Variants in BSCL2 observed in about 807,000 individuals in gnomAD.
BSCL2 encodes the protein seipin.
Under a neutral mutation model 57.4 loss-of-function variants are expected in BSCL2, and 41 were observed. The observed-to-expected ratio is 0.71, with a 90% CI of 0.56 to 0.93. The LOEUF (loss-of-function observed/expected upper bound fraction) is 0.93, where lower values mean the gene tolerates loss of function less well. Among genes scored for constraint, BSCL2 ranks in the 40% least tolerant of loss-of-function variants. BSCL2 has a pLI of 0.00. For missense variants in BSCL2, 539 were observed against 586.7 expected, an observed-to-expected ratio of 0.92 and a Z score of 0.84; for synonymous variants, 237 against 227.3, an observed-to-expected ratio of 1.04 and a Z score of -0.38.
Position 62,690,497 on chromosome 11 carries a change from G to A in BSCL2, c.1259C>T (p.Ala420Val), listed in dbSNP as rs1354030991. The A allele has an allele frequency of 1.2e-6, 2 of 1,614,172 alleles. No homozygotes were observed. Among genetic ancestry groups the A allele is most frequent in the South Asian group, 1.1e-5 (1 of 91,086 alleles). ...SDGSGSWEDA[A>V]LLTEANLPAP... ...AGGCAGGTTGGCCTCCGTCAGCAAA[G>A]CTGCATCTTCCCAGGAGCCTGAACC... Residue 420 changes from alanine (A) to valine (V), a missense_variant, in exon 11 of 11, where the codon GCT (alanine) becomes GTT (valine). Around this residue, in one of 3 missense-constraint regions of BSCL2, gnomAD observed 248 missense variants for 239.9 expected, o/e 1.03. Transcript: ENST00000360796.
intron 3 of BSCL2, chr11:62,697,366 G>A (rs1945501771): frequency 7.7e-6 from 1 of 130,628 alleles, no homozygotes; most frequent in Non-Finnish European, 1.6e-5. Context: ...CTGCACTCCA[G>A]CCTGGGCAAC....
rs369343944 is a variant in BSCL2, at chr11:62,692,126, C to T, written c.863+250G>A. 8.7e-5 allele frequency among the ~76,000 whole-genome samples: 13 copies of T among 150,100 alleles called. No homozygotes were observed. The East Asian group carries it at 1.4e-3, about 16-fold the overall frequency. On this transcript the variant is annotated intron_variant, in intron 6 of 10. Coordinates refer to ENST00000360796, the MANE Select transcript of BSCL2 (RefSeq NM_001122955.4). The stretch of plus-strand genomic sequence containing the variant: ...CTGGATTTCTGGGTGGATGGCAGGG[C>T]GGAGGGAAGATGAACAGGGATGATG...
upstream of BSCL2, chr11:62,707,493 T>G (rs2083562035): frequency 1.5e-6 from 1 of 645,972 alleles, no homozygotes; most frequent in Non-Finnish European, 2.8e-6. Context: ...CCACGCCATT[T>G]GAGAGGGGGA....
upstream of BSCL2, chr11:62,709,359 G>T: frequency 2.2e-6 from 1 of 454,034 alleles, no homozygotes; most frequent in South Asian, 1.6e-5. Flanking sequence ...CGTCCACAGT[G>T]TAAGAATTAA....
intron 1 of BSCL2, chr11:62,706,366 G>A (rs376261584): frequency 1.9e-6 from 2 of 1,056,032 alleles, no homozygotes; most frequent in African/African-American, 1.8e-5. Context: ...CGGGGCTTCA[G>A]CCCAGGGCGG....
chr11:62,708,087 T>C (rs1017356002), upstream of BSCL2: 1 of 595,848 alleles, frequency 1.7e-6, no homozygotes, highest in Admixed American at 2.8e-5. Flanking sequence ...GCCCAGGCCA[T>C]GAGGGAGTTT....
chr11:62,692,295 T>C (rs1169237274), intron 6 of BSCL2, 81 bp downstream of exon 6: 1 of 1,430,524 alleles, frequency 7.0e-7, no homozygotes, highest in Non-Finnish European at 9.8e-7. Context: ...TGTAAACCCA[T>C]TACCTCTGCT....
chr11:62,695,188 G>C (rs753899636), intron 3 of BSCL2, among the ~76,000 whole-genome samples: 1 of 152,158 alleles, frequency 6.6e-6, no homozygotes, highest in South Asian at 2.1e-4. Context: ...TCTTGGTTCT[G>C]TTGGTAGCGC....
intron 3 of BSCL2, among the ~76,000 whole-genome samples, chr11:62,702,105 T>C (rs1945660564): frequency 6.6e-6 from 1 of 152,030 alleles, no homozygotes; most frequent in Non-Finnish European, 1.5e-5. Flanking sequence ...TCATTCTTGT[T>C]GCCCAGGCTG....
chr11:62,708,599 A>G, upstream of BSCL2: 1 of 1,583,068 alleles, frequency 6.3e-7, no homozygotes, highest in South Asian at 1.1e-5. Flanking sequence ...AGATGGCAAA[A>G]GAGAACCCAT....
chr11:62,692,356 C>CA lies in BSCL2; in HGVS notation c.863+19dup. On this transcript the variant is annotated intron_variant, in intron 6 of 10. Coordinates refer to ENST00000360796, the MANE Select transcript of BSCL2 (RefSeq NM_001122955.4). ...CCCCCGTGAAGAGTTGCCCAAGGTT[C>CA]ACTCCAGTTGGCCCCTCACCTGAGC... The CA allele has an allele frequency of 1.9e-6, 3 of 1,613,230 alleles. No individual in the cohort carries two copies. The highest frequency in any genetic ancestry group is 2.5e-6 in the Non-Finnish European group (3 of 1,179,226).
At chr11:62,700,218 G>A (rs572747105) in intron 3 of BSCL2, among the ~76,000 whole-genome samples, 4 of 151,972 alleles carry the variant, frequency 2.6e-5, no homozygotes, top group Non-Finnish European at 5.9e-5. Flanking sequence ...TCCAGGCTAG[G>A]TGGCAGGGCA....
chr11:62,704,838 T>C (rs1280473148), intron 2 of BSCL2, among the ~76,000 whole-genome samples: 1 of 152,144 alleles, frequency 6.6e-6, no homozygotes, highest in Non-Finnish European at 1.5e-5. Context: ...GGAAGCAAGT[T>C]TATGCGCCTA....
chr11:62,702,692 C>T (rs1209653308), intron 2 of BSCL2, 143 bp from the exon 3 acceptor site: 3 of 683,912 alleles, frequency 4.4e-6, no homozygotes, highest in African/African-American at 3.6e-5. Flanking sequence ...AGATGGAGAA[C>T]AAATGTGGCC....
chr11:62,696,171 A>AAAAC (rs760454662), intron 3 of BSCL2, among the ~76,000 whole-genome samples: 11 of 152,192 alleles, frequency 7.2e-5, no homozygotes, highest in African/African-American at 1.2e-4. Flanking sequence ...ATTCTGTCTC[A>AAAAC]AAACAAACAA....
chr11:62,692,919 C>A, intron 4 of BSCL2, 122 bp from the exon 5 acceptor site: 1 of 1,298,054 alleles, frequency 7.7e-7, no homozygotes, highest in South Asian at 1.3e-5. Flanking sequence ...TCCCTGGCTG[C>A]CTCACCTTCA....
chr11:62,695,943 G>A (rs1414971626), intron 3 of BSCL2, among the ~76,000 whole-genome samples: 1 of 151,874 alleles, frequency 6.6e-6, no homozygotes, highest in Non-Finnish European at 1.5e-5. Context: ...GGGAGGCTGA[G>A]ACGAGTGTAT....
Position 62,692,483 on chromosome 11 carries a change from G to A in BSCL2, c.766-10C>T, listed in dbSNP as rs367716875. 3.1e-6 allele frequency: 5 copies of A among 1,613,424 alleles called. No homozygotes were observed. The highest frequency in any genetic ancestry group is 4.2e-6 in the Non-Finnish European group (5 of 1,179,884). On this transcript the variant is annotated splice_polypyrimidine_tract_variant and intron_variant, in intron 5 of 10. Coordinates refer to ENST00000360796, the MANE Select transcript of BSCL2 (RefSeq NM_001122955.4). Reference sequence around the variant, plus strand: ...CAGTGGTCGGCACGTACTGTGAGGGGGTGGGGTGAGGGTGGCGTCAGGCCA... The same window carrying A: ...CAGTGGTCGGCACGTACTGTGAGGGAGTGGGGTGAGGGTGGCGTCAGGCCA...
chr11:62,698,292 G>GCAA (rs1324113103), intron 3 of BSCL2, among the ~76,000 whole-genome samples: 1 of 152,020 alleles, frequency 6.6e-6, no homozygotes, highest in African/African-American at 2.4e-5. Context: ...TCTGCCTCCT[G>GCAA]GGTTCAAGCG....
Sources: gnomAD v4.1 joint callset for allele counts (sites outside exome capture counted in the v4.1 genomes callset) on GRCh38, gnomAD v4.1.1 for gene constraint, gnomAD v4.1.1 regional missense constraint, MANE v1.5 for transcripts, NCBI Gene and HGNC (gene_info 2026-07-23, HGNC 2026-07-21) for gene names.